Variants in KDM7A observed in about 807,000 individuals in gnomAD.
The protein encoded by KDM7A is lysine demethylase 7A, also known as lysine-specific demethylase 7A.
Under a neutral mutation model 114.8 loss-of-function variants are expected in KDM7A, and 28 were observed. The ratio of observed to expected loss-of-function variants is 0.24; its 90% CI spans 0.18 to 0.33. The LOEUF is 0.33. Ranked by LOEUF, KDM7A falls within the 10% of genes least tolerant of loss-of-function variation. The pLI is 1.00. For synonymous variants in KDM7A, 423 were observed against 397.8 expected, an observed-to-expected ratio of 1.06 and a Z score of -0.75; for missense variants, 942 against 1,142.5, an observed-to-expected ratio of 0.82 and a Z score of 2.53.
At chr7:140,134,578 G>C (rs997265874) in intron 2 of KDM7A, among the ~76,000 whole-genome samples, 1 of 150,866 alleles carries the variant, frequency 6.6e-6, no homozygotes, top group African/African-American at 2.4e-5. Flanking sequence ...TTTTAAGCTT[G>C]AAAATTACTC....
At chr7:140,148,069 C>T (rs1354861729) in intron 1 of KDM7A, among the ~76,000 whole-genome samples, 1 of 152,040 alleles carries the variant, frequency 6.6e-6, no homozygotes, top group Non-Finnish European at 1.5e-5. Flanking sequence ...TACCAGGTTC[C>T]AGTCAGCCAA....
chr7:140,124,618 T>A lies in KDM7A; in HGVS notation c.1051+3A>T, dbSNP rs1253482122. ...TGAGTAGGGGATGGGATGAAAACCT[T>A]ACCTGTAGGAACAAATAAGGTATGT... On this transcript the variant is annotated splice_donor_region_variant and intron_variant, in intron 7 of 19. Coordinates refer to ENST00000397560, the MANE Select transcript of KDM7A (RefSeq NM_030647.2). The A allele has an allele frequency of 6.2e-7, 1 of 1,605,628 alleles. No individual in the cohort carries two copies. The highest frequency in any genetic ancestry group is 8.5e-7 in the Non-Finnish European group (1 of 1,176,886).
rs767350596 is a variant in KDM7A at position 140,102,178 on chromosome 7, A to G, written c.1429-18T>C. On this transcript the variant is annotated intron_variant, in intron 11 of 19. Transcript: ENST00000397560. ...TTTTCCTCCTTTAAGAATTAAAATC[A>G]GAGTATTTTTATAAGAAGGCTGTTA... 2.5e-6 allele frequency: 4 copies of G among 1,572,162 alleles called. No homozygotes were observed. Among genetic ancestry groups the G allele is most frequent in the South Asian group, 2.2e-5 (2 of 90,178 alleles).
At chr7:140,155,228 T>A (rs1171397978) in intron 1 of KDM7A, among the ~76,000 whole-genome samples, 1 of 152,148 alleles carries the variant, frequency 6.6e-6, no homozygotes, top group African/African-American at 2.4e-5. Flanking sequence ...AATGACTGAG[T>A]CAAATCTTCT....
At chr7:140,111,217 A>T in intron 10 of KDM7A, 33 bp from the exon 11 acceptor site, 1 of 1,404,408 alleles carries the variant, frequency 7.1e-7, no homozygotes, top group Non-Finnish European at 1.0e-6. Context: ...AAGAAAACCA[A>T]AGTTATTTAC....
chr7:140,122,512 A>G (rs1818631866), intron 7 of KDM7A, among the ~76,000 whole-genome samples: 1 of 152,222 alleles, frequency 6.6e-6, no homozygotes, highest in Non-Finnish European at 1.5e-5. Context: ...TGGTAGTTCT[A>G]AGGCATGTCT....
At chr7:140,138,969 C>G (rs191298180) in intron 2 of KDM7A, 136 bp downstream of exon 2, 27 of 536,944 alleles carry the variant, frequency 5.0e-5, no homozygotes, top group African/African-American at 4.2e-4. Context: ...ATACCTTGAG[C>G]AAAATCTTTC....
chr7:140,096,812 C>T (rs1396089622), intron 16 of KDM7A, 49 bp from the exon 17 acceptor site: 1 of 1,592,816 alleles, frequency 6.3e-7, no homozygotes, highest in East Asian at 2.2e-5. Flanking sequence ...TTTCTGATGA[C>T]ATTTTTGGTA....
chr7:140,133,603 A>G lies in KDM7A; in HGVS notation c.334T>C (p.Ser112Pro). Residue 112 changes from serine to proline, a missense_variant, in exon 3 of 20, where the codon TCC (serine) becomes CCC (proline). Around this residue, in one of 4 missense-constraint regions of KDM7A, gnomAD observed 318 missense variants for 453.1 expected, o/e 0.70. Transcript: ENST00000397560. Reference sequence around the variant, plus strand: ...CTAGTTCCAGCTTGCACTGGTTTGGAACCATCATCAATTTCTGTGTAGTCA... The same window carrying G: ...CTAGTTCCAGCTTGCACTGGTTTGGGACCATCATCAATTTCTGTGTAGTCA... ...RHDYTEIDDG[S>P]KPVQAGTRTF... 1 of 1,613,160 alleles carries G rather than the reference A, an allele frequency of 6.2e-7. No individual in the cohort carries two copies. Among genetic ancestry groups the G allele is most frequent in the South Asian group, 1.1e-5 (1 of 91,018 alleles).
intron 17 of KDM7A, among the ~76,000 whole-genome samples, chr7:140,094,966 G>C (rs1818081281): frequency 6.6e-6 from 1 of 152,178 alleles, no homozygotes; most frequent in Non-Finnish European, 1.5e-5. Context: ...TCCTGCCTCA[G>C]CCTCCCAAGT....
chr7:140,133,705 C>T (rs1818826885), intron 2 of KDM7A, 49 bp from the exon 3 acceptor site: 5 of 976,066 alleles, frequency 5.1e-6, no homozygotes, highest in Non-Finnish European at 3.2e-6. Context: ...ACTGGTGATA[C>T]TATGTGATTT....
intron 10 of KDM7A, among the ~76,000 whole-genome samples, chr7:140,111,676 A>C (rs1818434504): frequency 6.6e-6 from 1 of 152,202 alleles, no homozygotes; most frequent in African/African-American, 2.4e-5. Flanking sequence ...GGAAAGGGGA[A>C]GGCCGGGCGC....
intron 7 of KDM7A, among the ~76,000 whole-genome samples, chr7:140,123,362 C>T (rs1818645528): frequency 1.3e-5 from 2 of 152,148 alleles, no homozygotes; most frequent in African/African-American, 4.8e-5. Flanking sequence ...TGAAAACATA[C>T]CTCCACATAA....
chr7:140,175,368 AG>A lies in KDM7A; in HGVS notation c.194+1375del, dbSNP rs201961991. Among the ~76,000 whole-genome samples, 787 of 152,076 alleles carry A rather than the reference AG, an allele frequency of 5.2e-3. 9 individuals carry two copies. The highest frequency in any genetic ancestry group is 0.018 in the African/African-American group (726 of 41,480). On this transcript the variant is annotated intron_variant, in intron 1 of 19. Transcript: ENST00000397560. Reference sequence around the variant, plus strand: ...TTGTAGTGTTTCTGTAAAATTGGGGAGGGGGGGAGCGGAGGCTGTATTTAAA... The same window carrying A: ...TTGTAGTGTTTCTGTAAAATTGGGGAGGGGGGAGCGGAGGCTGTATTTAAA...
At chr7:140,156,101 AGG>A (rs1794455083) in intron 1 of KDM7A, among the ~76,000 whole-genome samples, 1 of 152,234 alleles carries the variant, frequency 6.6e-6, no homozygotes, top group Admixed American at 6.5e-5. Flanking sequence ...TTGAAAAAGA[AGG>A]GATTCTAAAG....
chr7:140,091,710 G>T, intron 19 of KDM7A, 94 bp downstream of exon 19: 1 of 1,373,556 alleles, frequency 7.3e-7, no homozygotes, highest in East Asian at 2.3e-5. Context: ...ATGAGATGTT[G>T]AACAACTTGA....
At position 140,110,995 on chromosome 7, in the gene KDM7A, T is replaced by C. The variant is rs73160850; in HGVS notation, c.1428+100A>G. 1,750 of 633,090 alleles carry C rather than the reference T, an allele frequency of 2.8e-3. 4 individuals are homozygous for C. The highest frequency in any genetic ancestry group is 6.0e-3 in the Middle Eastern group (20 of 3,334). 39.2% of individuals were successfully genotyped at this position (633,090 alleles called of 1,614,324 possible). A position where few individuals can be genotyped will look rare whatever the true frequency, so the allele number is the denominator to read the frequency against. The stretch of plus-strand genomic sequence containing the variant: ...CTCAGCTCATTATATTTCTTCTAAG[T>C]GTGTAAGAGTTTTTAAATATTTGTA... On this transcript the variant is annotated intron_variant, in intron 11 of 19. Transcript: ENST00000397560.
rs977275597 is a variant in KDM7A at position 140,089,497 on chromosome 7, C to T, written c.*1597G>A. The T allele has an allele frequency of 3.3e-5, 5 of 152,010 alleles. 1 individual carries two copies. The South Asian group carries it at 6.2e-4, about 19-fold the overall frequency. The allele number at this position is 152,010 out of a possible 1,614,324, so 9.4% of individuals were successfully genotyped here. ...GCTATCTTGCTGAGTAAAAAAAAGA[C>T]AAATCCATAATATGGCCATATTTCT... is the stretch of plus-strand genomic sequence containing the variant. On this transcript the variant is annotated 3_prime_UTR_variant, in exon 20 of 20. Transcript: ENST00000397560.
At chr7:140,151,516 GA>G (rs1440521200) in intron 1 of KDM7A, among the ~76,000 whole-genome samples, 4 of 152,086 alleles carry the variant, frequency 2.6e-5, no homozygotes, top group African/African-American at 7.2e-5. Flanking sequence ...ATGTGAGGGG[GA>G]AAGTACAGAA....
Sources: gnomAD v4.1 joint callset for allele counts (sites outside exome capture counted in the v4.1 genomes callset) on GRCh38, gnomAD v4.1.1 for gene constraint, gnomAD v4.1.1 regional missense constraint, MANE v1.5 for transcripts, NCBI Gene and HGNC (gene_info 2026-07-23, HGNC 2026-07-21) for gene names.